STS: variants seen among roughly 807,000 people sequenced by gnomAD.
The protein encoded by STS is steryl-sulfatase.
STS carries 7 observed loss-of-function variants against 26.8 expected under a neutral mutation model. That is an observed-to-expected ratio of 0.26 (90% CI 0.15 to 0.49). STS has a LOEUF of 0.49. STS is among the 20% of genes least tolerant of loss of function. The pLI, the probability that STS is intolerant of heterozygous loss-of-function variation, is 0.98. For missense variants in STS, 434 were observed against 465.6 expected, an observed-to-expected ratio of 0.93 and a Z score of 0.63; for synonymous variants, 199 against 189.4, an observed-to-expected ratio of 1.05 and a Z score of -0.42.
chrX:7,283,476 T>C lies in STS; in HGVS notation c.943+7389T>C, dbSNP rs1924974661. 2.7e-5 allele frequency among the ~76,000 whole-genome samples: 3 copies of C among 111,912 alleles called. 1 individual carries two copies. In the South Asian group the frequency reaches 1.1e-3, roughly 42 times the overall value. ...AATTATAGTGTATTACAGAGAATGA[T>C]ATTTGAGGAGCTGAGGTCAATGAGG... On this transcript the variant is annotated intron_variant, in intron 7 of 10. Coordinates refer to ENST00000674429, the MANE Select transcript of STS (RefSeq NM_001320752.2).
chrX:7,325,278 A>G (rs1002604734), intron 8 of STS, 61 bp from the exon 9 acceptor site: 9 of 1,145,007 alleles, frequency 7.9e-6, no homozygotes, highest in Non-Finnish European at 1.1e-5. Flanking sequence ...AGTCCATTGA[A>G]GTGAGCATTG....
chrX:7,255,972 G>A (rs1372530537), intron 3 of STS, among the ~76,000 whole-genome samples: 1 of 112,040 alleles, frequency 8.9e-6, no homozygotes, highest in Non-Finnish European at 1.9e-5. Flanking sequence ...ATCTTGAAGG[G>A]GAGCACAATT....
chrX:7,206,233 T>G (rs976778489), intron 2 of STS, among the ~76,000 whole-genome samples: 8 of 112,347 alleles, frequency 7.1e-5, no homozygotes, highest in Non-Finnish European at 1.5e-4. Flanking sequence ...CTGGAATATC[T>G]ATTAGCTGAA....
intron 1 of STS, among the ~76,000 whole-genome samples, chrX:7,187,481 A>C (rs1200655635): frequency 8.9e-6 from 1 of 112,109 alleles, no homozygotes; most frequent in African/African-American, 3.2e-5. Flanking sequence ...TCAAATTTCA[A>C]CAACTAACCT....
chrX:7,353,398 G>A lies in STS; in HGVS notation c.*3137G>A, dbSNP rs1320269998. The A allele has an allele frequency of 9.1e-6, 1 of 110,345 alleles. No individual in the cohort carries two copies. The highest frequency in any genetic ancestry group is 3.3e-5 in the African/African-American group (1 of 30,375). The allele number at this position is 110,345 out of a possible 1,213,427, so 9.1% of individuals were successfully genotyped here. On this transcript the variant is annotated 3_prime_UTR_variant, in exon 11 of 11. Coordinates refer to ENST00000674429, the MANE Select transcript of STS (RefSeq NM_001320752.2). The stretch of plus-strand genomic sequence containing the variant: ...ACATTGGGGATTGAAAATCATATTG[G>A]TATTTGCACCAACATAGTCATAAAA...
intron 7 of STS, among the ~76,000 whole-genome samples, chrX:7,281,612 G>A (rs1924864975): frequency 8.9e-6 from 1 of 111,989 alleles, no homozygotes; most frequent in Non-Finnish European, 1.9e-5. Context: ...TCGTCTTGAG[G>A]GATGGAGAAT....
chrX:7,279,354 T>G (rs1924723837), intron 7 of STS, among the ~76,000 whole-genome samples: 1 of 77,934 alleles, frequency 1.3e-5, no homozygotes, highest in Non-Finnish European at 2.4e-5. Context: ...TGTGTGTGTG[T>G]GTGTATATGT....
At chrX:7,173,439 C>A (rs1933506860) in intron 1 of STS, among the ~76,000 whole-genome samples, 1 of 111,682 alleles carries the variant, frequency 9.0e-6, no homozygotes, top group African/African-American at 3.3e-5. Flanking sequence ...GATTTATATT[C>A]CTTTGGGTAT....
chrX:7,316,487 C>G (rs1354000660), intron 8 of STS, among the ~76,000 whole-genome samples: 1 of 112,009 alleles, frequency 8.9e-6, no homozygotes, highest in Admixed American at 9.5e-5. Flanking sequence ...GAGAAAGCCA[C>G]CCAAAGAGCC....
chrX:7,242,627 A>T (rs1922677797), intron 2 of STS, among the ~76,000 whole-genome samples: 1 of 111,383 alleles, frequency 9.0e-6, no homozygotes, highest in Non-Finnish European at 1.9e-5. Context: ...TAATAAAAAT[A>T]AAAAGGTCCT....
At chrX:7,173,786 T>C (rs1933514422) in intron 1 of STS, among the ~76,000 whole-genome samples, 1 of 112,101 alleles carries the variant, frequency 8.9e-6, no homozygotes, top group Admixed American at 9.5e-5. Flanking sequence ...TTTAATGGGG[T>C]TGTGATCAAC....
At chrX:7,152,312 T>C (rs1248592442) in intron 1 of STS, among the ~76,000 whole-genome samples, 1 of 111,555 alleles carries the variant, frequency 9.0e-6, no homozygotes, top group Non-Finnish European at 1.9e-5. Flanking sequence ...GATTTATTTT[T>C]ATTTTATTTT....
At chrX:7,278,743 G>A (rs899340291) in intron 7 of STS, among the ~76,000 whole-genome samples, 2 of 111,183 alleles carry the variant, frequency 1.8e-5, no homozygotes, top group Non-Finnish European at 3.8e-5. Flanking sequence ...GCAAATTCAC[G>A]GGGTGGTCGA....
chrX:7,156,940 A>C (rs899407718), intron 1 of STS, among the ~76,000 whole-genome samples: 5 of 111,614 alleles, frequency 4.5e-5, no homozygotes, highest in Non-Finnish European at 9.4e-5. Flanking sequence ...GGGGTCCCCA[A>C]ACCAGAGATT....
rs891554474 is a variant in STS at position 7,350,355 on chromosome X, C to T, written c.*94C>T. ...TGGCACTGGGGAAACATAACTCCAT[C>T]TACACCTTGGATTTGGACTGATTCT... On this transcript the variant is annotated 3_prime_UTR_variant, in exon 11 of 11. Transcript: ENST00000674429. 2.5e-5 allele frequency: 27 copies of T among 1,088,000 alleles called. No individual in the cohort carries two copies. In the South Asian group the frequency reaches 3.2e-4, roughly 13 times the overall value. 89.7% of individuals were successfully genotyped at this position (1,088,000 alleles called of 1,213,427 possible).
chrX:7,227,615 A>G (rs1361322322), intron 2 of STS, among the ~76,000 whole-genome samples: 3 of 111,555 alleles, frequency 2.7e-5, no homozygotes, highest in Admixed American at 1.9e-4. Context: ...TTTCCAAGCA[A>G]AAGTCTTAGA....
At chrX:7,153,002 G>A (rs1376366077) in intron 1 of STS, among the ~76,000 whole-genome samples, 1 of 111,934 alleles carries the variant, frequency 8.9e-6, no homozygotes, top group Non-Finnish European at 1.9e-5. Context: ...CATGTGAAGG[G>A]AGGATGTGTG....
chrX:7,297,741 A>G (rs1378288743), intron 7 of STS, among the ~76,000 whole-genome samples: 8 of 112,171 alleles, frequency 7.1e-5, no homozygotes, highest in Admixed American at 9.5e-5. Flanking sequence ...ATGATTCTCC[A>G]TCATCTATTT....
intron 1 of STS, among the ~76,000 whole-genome samples, chrX:7,178,515 G>A (rs1933616872): frequency 9.0e-6 from 1 of 111,597 alleles, no homozygotes. Flanking sequence ...TCCCCTCACT[G>A]TTGCCTTTGA....
Sources: allele counts gnomAD v4.1 joint callset (sites outside exome capture counted in the v4.1 genomes callset), GRCh38; gene constraint gnomAD v4.1.1; transcripts MANE v1.5; gene names NCBI Gene and HGNC (gene_info 2026-07-23, HGNC 2026-07-21).